Variants in WWP2 observed in about 807,000 individuals in gnomAD.
The protein encoded by WWP2 is NEDD4-like E3 ubiquitin-protein ligase WWP2.
WWP2 carries 57 observed loss-of-function variants against 121.0 expected under a neutral mutation model. The observed-to-expected ratio is 0.47, with a 90% confidence interval of 0.38 to 0.59. WWP2 has a LOEUF of 0.59. Ranked by LOEUF, WWP2 falls within the 20% of genes least tolerant of loss-of-function variation. The pLI is 0.00. For synonymous variants in WWP2, 449 were observed against 441.3 expected (o/e 1.02, Z -0.22); for missense variants, 962 against 1,158.9 (o/e 0.83, Z 2.47).
At chr16:69,913,783 A>AT (rs2058436100) in intron 9 of WWP2, among the ~76,000 whole-genome samples, 1 of 151,896 alleles carries the variant, frequency 6.6e-6, no homozygotes, top group East Asian at 1.9e-4. Context: ...TGAAAGGTAA[A>AT]TTTGGGCTGA....
chr16:69,825,876 G>C (rs1597008237), intron 4 of WWP2, among the ~76,000 whole-genome samples: 2 of 152,110 alleles, frequency 1.3e-5, no homozygotes, highest in East Asian at 3.9e-4. Flanking sequence ...TTCTCACCTT[G>C]GCCTCTCCAA....
At chr16:69,850,867 T>G (rs1294973057) in intron 6 of WWP2, among the ~76,000 whole-genome samples, 1 of 152,092 alleles carries the variant, frequency 6.6e-6, no homozygotes, top group African/African-American at 2.4e-5. Flanking sequence ...TAGAGCACTT[T>G]TAGGTTCCCC....
chr16:69,853,798 G>A (rs1343639069), intron 6 of WWP2, among the ~76,000 whole-genome samples: 1 of 152,138 alleles, frequency 6.6e-6, no homozygotes, highest in Non-Finnish European at 1.5e-5. Context: ...GAGGGAGGGG[G>A]GTACTCCCAG....
chr16:69,886,482 A>G (rs2057927659), intron 7 of WWP2, among the ~76,000 whole-genome samples: 1 of 151,366 alleles, frequency 6.6e-6, no homozygotes, highest in Non-Finnish European at 1.5e-5. Flanking sequence ...TTTCTGGGCC[A>G]GGTGCCCTGG....
At chr16:69,845,241 G>T (rs2057049372) in intron 6 of WWP2, among the ~76,000 whole-genome samples, 2 of 152,172 alleles carry the variant, frequency 1.3e-5, no homozygotes, top group Non-Finnish European at 2.9e-5. Flanking sequence ...GGAGCACTCG[G>T]TGGAAGTGGC....
At chr16:69,847,879 T>G (rs1051963008) in intron 6 of WWP2, among the ~76,000 whole-genome samples, 3 of 152,088 alleles carry the variant, frequency 2.0e-5, no homozygotes, top group African/African-American at 7.2e-5. Context: ...AACATGAATT[T>G]TGGTGGGGAC....
intron 2 of WWP2, among the ~76,000 whole-genome samples, chr16:69,798,430 A>T (rs554750317): frequency 5.9e-4 from 90 of 152,218 alleles, no homozygotes; most frequent in Admixed American, 2.9e-3. Context: ...ACCAACGATA[A>T]ATTGGTGATG....
intron 4 of WWP2, among the ~76,000 whole-genome samples, chr16:69,801,196 A>AC (rs2056157974): frequency 6.7e-6 from 1 of 148,818 alleles, no homozygotes; most frequent in African/African-American, 2.4e-5. Context: ...AAAAAAAAAA[A>AC]AGCAATTTTA....
rs368166399 is a variant in WWP2, at chr16:69,872,377, C to T, written c.703+446C>T. Reference sequence around the variant, plus strand: ...GACTACAGGCGCCCACTGCCACGCCCGGCTAATTTTTTGTGTTTTTAGTGG... The same window carrying T: ...GACTACAGGCGCCCACTGCCACGCCTGGCTAATTTTTTGTGTTTTTAGTGG... On this transcript the variant is annotated intron_variant, in intron 7 of 23. Transcript: ENST00000359154. Among the ~76,000 whole-genome samples the T allele has an allele frequency of 1.4e-4, 21 of 152,180 alleles. 2 individuals carry two copies. Among genetic ancestry groups the T allele is most frequent in the Middle Eastern group, 3.4e-3 (1 of 294 alleles).
chr16:69,764,073 A>G (rs1224604339), intron 1 of WWP2, among the ~76,000 whole-genome samples: 1 of 152,216 alleles, frequency 6.6e-6, no homozygotes, highest in East Asian at 1.9e-4. Flanking sequence ...CCTATATCAC[A>G]TGAAGAGACT....
At chr16:69,818,071 T>A (rs958468528) in intron 4 of WWP2, among the ~76,000 whole-genome samples, 2 of 152,190 alleles carry the variant, frequency 1.3e-5, no homozygotes, top group African/African-American at 4.8e-5. Context: ...CATACCTGTT[T>A]CCCTGTATCT....
In WWP2 at chr16:69,894,732, C is replaced by T. The variant is rs887567093; in HGVS notation, c.914+6483C>T. Among the ~76,000 whole-genome samples the T allele has an allele frequency of 2.0e-5, 3 of 152,302 alleles. No homozygotes were observed. The East Asian group carries it at 5.8e-4, about 29-fold the overall frequency. On this transcript the variant is annotated intron_variant, in intron 8 of 23. Coordinates refer to ENST00000359154, the MANE Select transcript of WWP2 (RefSeq NM_001270454.2). ...TGCAGGCCCTGTATCTGTTTTTTCT[C>T]AGCGCTCAGCCCACTTTGGGGACCC...
In WWP2 at chr16:69,929,547, G is replaced by C. The variant is rs777867890; in HGVS notation, c.1316+18G>C. The C allele has an allele frequency of 1.2e-6, 2 of 1,612,734 alleles. No individual in the cohort carries two copies. The highest frequency in any genetic ancestry group is 2.2e-5 in the South Asian group (2 of 91,052). ...ACCCAGGGGTAAGGACTTGGGCTGA[G>C]AGGGGGGCCGGGCTGGGCTGGGTCT... On this transcript the variant is annotated intron_variant, in intron 12 of 23. Coordinates refer to ENST00000359154, the MANE Select transcript of WWP2 (RefSeq NM_001270454.2).
At chr16:69,868,549 A>G (rs558671588) in intron 6 of WWP2, among the ~76,000 whole-genome samples, 1 of 152,224 alleles carries the variant, frequency 6.6e-6, no homozygotes, top group East Asian at 1.9e-4. Context: ...GGGGGCTGCA[A>G]GTTCCAAATC....
chr16:69,887,874 G>C (rs1455381188), intron 7 of WWP2, among the ~76,000 whole-genome samples, 165 bp from the exon 8 acceptor site: 1 of 152,142 alleles, frequency 6.6e-6, no homozygotes, highest in African/African-American at 2.4e-5. Flanking sequence ...TTAATGACTT[G>C]CTGTACTTTT....
chr16:69,907,723 G>A (rs1393243980), intron 8 of WWP2, among the ~76,000 whole-genome samples: 2 of 152,100 alleles, frequency 1.3e-5, no homozygotes, highest in Non-Finnish European at 2.9e-5. Flanking sequence ...TGCTACCTTG[G>A]CATTCTTTCA....
At chr16:69,844,485 G>A (rs1442391437) in intron 6 of WWP2, among the ~76,000 whole-genome samples, 2 of 151,774 alleles carry the variant, frequency 1.3e-5, no homozygotes, top group Non-Finnish European at 2.9e-5. Context: ...CTTAATTTGG[G>A]GCTCAAAGTC....
intron 4 of WWP2, among the ~76,000 whole-genome samples, chr16:69,813,569 C>T (rs139718247): frequency 2.0e-5 from 3 of 152,174 alleles, no homozygotes; most frequent in Non-Finnish European, 4.4e-5. Flanking sequence ...TTCAAGCGAT[C>T]CCCCCACCTC....
chr16:69,933,223 C>G (rs1336646972), intron 16 of WWP2: 3 of 449,254 alleles, frequency 6.7e-6, no homozygotes, highest in African/African-American at 6.0e-5. Context: ...CACAAACAGC[C>G]CAGCAGCTGG....
Sources: allele counts gnomAD v4.1 joint callset (sites outside exome capture counted in the v4.1 genomes callset), GRCh38; gene constraint gnomAD v4.1.1; transcripts MANE v1.5; gene names NCBI Gene and HGNC (gene_info 2026-07-23, HGNC 2026-07-21).